Variants in PDCD10 observed in about 807,000 individuals in gnomAD.
The protein encoded by PDCD10 is programmed cell death protein 10.
In PDCD10, 4 loss-of-function variants were observed where a neutral mutation model predicts 29.2. That is an observed-to-expected ratio of 0.14 (90% CI 0.07 to 0.31). The LOEUF is 0.31. Ranked by LOEUF, PDCD10 falls within the 10% of genes least tolerant of loss-of-function variation. PDCD10 has a pLI of 1.00. For synonymous variants in PDCD10, 70 were observed against 82.2 expected (o/e 0.85, Z 0.80); for missense variants, 183 against 257.9 (o/e 0.71, Z 1.99).
intron 4 of PDCD10, chr3:167,697,790 C>T (rs1720965279): frequency 2.9e-6 from 1 of 345,230 alleles, no homozygotes; most frequent in African/African-American, 2.2e-5. Flanking sequence ...GTTACTTAGA[C>T]TCCCCAAGAC....
At chr3:167,729,304 T>C (rs1724548217) in intron 2 of PDCD10, among the ~76,000 whole-genome samples, 1 of 152,150 alleles carries the variant, frequency 6.6e-6, no homozygotes, top group South Asian at 2.1e-4. Context: ...TCCTAATAGG[T>C]TTTTTAAAAA....
intron 3 of PDCD10, among the ~76,000 whole-genome samples, chr3:167,715,807 T>A (rs907246719): frequency 1.8e-4 from 27 of 151,992 alleles, no homozygotes; most frequent in African/African-American, 5.6e-4. Context: ...TGGTATAGTG[T>A]TGGCTGGAAT....
At chr3:167,689,628 G>GA (rs1217676742) in intron 6 of PDCD10, among the ~76,000 whole-genome samples, 5 of 151,866 alleles carry the variant, frequency 3.3e-5, no homozygotes, top group African/African-American at 1.2e-4. Flanking sequence ...GACAAAAAAA[G>GA]AAAGACCTGC....
intron 5 of PDCD10, among the ~76,000 whole-genome samples, chr3:167,696,114 T>C (rs1159423549): frequency 6.6e-6 from 1 of 152,148 alleles, no homozygotes; most frequent in Non-Finnish European, 1.5e-5. Flanking sequence ...AGGTAATATC[T>C]ACTTGCCAAC....
intron 2 of PDCD10, among the ~76,000 whole-genome samples, chr3:167,721,433 C>T (rs766050542): frequency 6.6e-6 from 1 of 152,042 alleles, no homozygotes; most frequent in Non-Finnish European, 1.5e-5. Flanking sequence ...AGAAAAGTAC[C>T]CAGAATTTAT....
chr3:167,703,890 T>C (rs114438913), intron 4 of PDCD10, among the ~76,000 whole-genome samples: 2,169 of 152,306 alleles, frequency 0.014, 20 homozygotes, highest in Non-Finnish European at 0.021. Flanking sequence ...GTAATCATTA[T>C]AAAATATTTA....
intron 4 of PDCD10, among the ~76,000 whole-genome samples, chr3:167,702,333 T>C (rs563260324): frequency 1.3e-5 from 2 of 152,216 alleles, no homozygotes; most frequent in African/African-American, 4.8e-5. Flanking sequence ...GATGATCCAC[T>C]TCAACTTAAT....
At chr3:167,731,279 C>G (rs1724782581) in intron 2 of PDCD10, among the ~76,000 whole-genome samples, 1 of 152,076 alleles carries the variant, frequency 6.6e-6, no homozygotes, top group Non-Finnish European at 1.5e-5. Context: ...ATGAATATCG[C>G]TTGCAAAAAG....
Position 167,720,222 on chromosome 3 carries a change from A to G in PDCD10, c.-65T>C. 9.8e-7 allele frequency: 1 copy of G among 1,021,100 alleles called. No individual in the cohort carries two copies. The highest frequency in any genetic ancestry group is 1.7e-5 in the Admixed American group (1 of 58,502). The allele number at this position is 1,021,100 out of a possible 1,614,324, so 63.3% of individuals were successfully genotyped here. A position where few individuals can be genotyped will look rare whatever the true frequency, so the allele number is the denominator to read the frequency against. On this transcript the variant is annotated 5_prime_UTR_variant, in exon 3 of 9. Coordinates refer to ENST00000392750, the MANE Select transcript of PDCD10 (RefSeq NM_007217.4). ...CAGAGGAATCTTCATTCACTGCAAT[A>G]TTTCTTCTCTTTTTTGGTGATAAAA...
chr3:167,695,018 C>T (rs1364547593), intron 6 of PDCD10, among the ~76,000 whole-genome samples: 1 of 152,138 alleles, frequency 6.6e-6, no homozygotes, highest in African/African-American at 2.4e-5. Context: ...TCACTCAATC[C>T]CCTACCCTCT....
intron 3 of PDCD10, among the ~76,000 whole-genome samples, chr3:167,716,422 T>C (rs1211478838): frequency 1.3e-5 from 2 of 151,940 alleles, no homozygotes; most frequent in Non-Finnish European, 2.9e-5. Flanking sequence ...ACTGGATGGT[T>C]TGTTATATAA....
At chr3:167,684,836 C>A (rs1212356775) in intron 8 of PDCD10, among the ~76,000 whole-genome samples, 2 of 152,060 alleles carry the variant, frequency 1.3e-5, no homozygotes, top group Non-Finnish European at 2.9e-5. Flanking sequence ...CTCTTTATCT[C>A]CTTAAAAAAA....
At chr3:167,733,951 T>A (rs1315617232) in intron 2 of PDCD10, among the ~76,000 whole-genome samples, 1 of 152,216 alleles carries the variant, frequency 6.6e-6, no homozygotes, top group Non-Finnish European at 1.5e-5. Context: ...TTGAGGAATT[T>A]CACTCCGGTT....
rs182031281 is a variant in PDCD10 at position 167,706,651 on chromosome 3, G to A, written c.97-1756C>T. 3.9e-5 allele frequency among the ~76,000 whole-genome samples: 6 copies of A among 152,288 alleles called. No individual in the cohort carries two copies. The East Asian group carries it at 1.2e-3, about 29-fold the overall frequency. ...ATCTTATGGGACAACCATCATATAT[G>A]CCATCCATCTACCAATGACTGAAAT... On this transcript the variant is annotated intron_variant, in intron 3 of 8. Coordinates refer to ENST00000392750, the MANE Select transcript of PDCD10 (RefSeq NM_007217.4).
chr3:167,700,779 A>G (rs1721328893), intron 4 of PDCD10, among the ~76,000 whole-genome samples: 1 of 152,240 alleles, frequency 6.6e-6, no homozygotes, highest in African/African-American at 2.4e-5. Flanking sequence ...AAAAATGTCA[A>G]GATAACAGGA....
chr3:167,685,093 C>T (rs916253214), intron 8 of PDCD10, among the ~76,000 whole-genome samples: 1 of 151,946 alleles, frequency 6.6e-6, no homozygotes, highest in Non-Finnish European at 1.5e-5. Flanking sequence ...TAGCATGCAC[C>T]CGCATCCTAG....
chr3:167,692,575 T>C (rs895510434), intron 6 of PDCD10, among the ~76,000 whole-genome samples: 1 of 152,180 alleles, frequency 6.6e-6, no homozygotes, highest in Non-Finnish European at 1.5e-5. Context: ...CTCCTTCACA[T>C]ATTAAAAGTA....
chr3:167,717,765 A>G (rs559447586), intron 3 of PDCD10, among the ~76,000 whole-genome samples: 2 of 152,028 alleles, frequency 1.3e-5, no homozygotes, highest in Non-Finnish European at 2.9e-5. Context: ...CTAAAACCCT[A>G]TACTTCTGAA....
chr3:167,697,371 C>T (rs537899431), intron 4 of PDCD10, among the ~76,000 whole-genome samples: 1 of 152,180 alleles, frequency 6.6e-6, no homozygotes, highest in Admixed American at 6.5e-5. Flanking sequence ...ATTTTCTACT[C>T]TTCTTTATAC....
Sources: allele counts gnomAD v4.1 joint callset (sites outside exome capture counted in the v4.1 genomes callset), GRCh38; gene constraint gnomAD v4.1.1; transcripts MANE v1.5; gene names NCBI Gene and HGNC (gene_info 2026-07-23, HGNC 2026-07-21).